Variants in PABPN1L observed in about 807,000 individuals in gnomAD.
PABPN1L encodes PABPN1 like, cytoplasmic.
Under a neutral mutation model 34.0 loss-of-function variants are expected in PABPN1L, and 45 were observed. The ratio of observed to expected loss-of-function variants is 1.32; its 90% CI spans 1.04 to 1.70. The LOEUF (loss-of-function observed/expected upper bound fraction) is 1.70, where lower values mean the gene tolerates loss of function less well. Ranked by LOEUF, PABPN1L falls within the 40% of genes most tolerant of loss-of-function variation. The pLI, the probability that PABPN1L is intolerant of heterozygous loss-of-function variation, is 0.00. For missense variants in PABPN1L, 459 were observed against 367.8 expected (o/e 1.25, Z -2.03); for synonymous variants, 182 against 152.1 (o/e 1.20, Z -1.45).
chr16:88,867,758 C>T (rs1968631594), upstream of PABPN1L, among the ~76,000 whole-genome samples: 1 of 152,182 alleles, frequency 6.6e-6, no homozygotes, highest in African/African-American at 2.4e-5. Context: ...CCTTGCGCCT[C>T]CCTCTGCACC....
At chr16:88,865,885 T>C (rs1326644397) in exon 2 of PABPN1L, 1 of 1,609,722 alleles carries the variant, frequency 6.2e-7, no homozygotes, top group Non-Finnish European at 8.5e-7. Flanking sequence ...CTGGAGGCCG[T>C]GGCGTCCCCT....
At chr16:88,864,866 C>T (rs76267236) in exon 5 of PABPN1L, 106,901 of 1,608,608 alleles carry the variant, frequency 0.066, 4,140 homozygotes, top group Non-Finnish European at 0.08. Context: ...GATGACCCGG[C>T]CCCGGAAGAG....
intron 3 of PABPN1L, 98 bp from the exon 4 acceptor site, chr16:88,865,226 C>T (rs920264337): frequency 2.2e-5 from 29 of 1,322,282 alleles, no homozygotes; most frequent in Admixed American, 1.3e-4. Context: ...GGCTGGGCCC[C>T]GTGGCGGGGA....
chr16:88,866,686 T>C (rs1472601247), upstream of PABPN1L: 9 of 1,447,620 alleles, frequency 6.2e-6, no homozygotes, highest in Non-Finnish European at 8.2e-6. Flanking sequence ...CAGGCTCTCC[T>C]GGAGTTTTAA....
chr16:88,865,634 C>T lies in PABPN1L; in HGVS notation c.392-4G>A, dbSNP rs751466056. ...GGGGTCCCAGAGAGGGGGCAGCCTG[C>T]GGAGAACACAGCTCAGGCCCGCAGG... On this transcript the variant is annotated splice_region_variant and splice_polypyrimidine_tract_variant and intron_variant, in intron 2 of 6. Coordinates refer to ENST00000419291, the Ensembl canonical transcript of PABPN1L. The T allele has an allele frequency of 1.0e-5, 16 of 1,605,186 alleles. No homozygotes were observed. The highest frequency in any genetic ancestry group is 4.0e-5 in the African/African-American group (3 of 74,654).
exon 7 of PABPN1L, chr16:88,863,575 G>T: frequency 1.3e-6 from 1 of 798,172 alleles, no homozygotes; most frequent in East Asian, 2.7e-5. Context: ...CTTGGGTCTG[G>T]ACCACCATAC....
chr16:88,869,704 A>G (rs888939615), upstream of PABPN1L, among the ~76,000 whole-genome samples: 2 of 152,244 alleles, frequency 1.3e-5, no homozygotes, highest in Non-Finnish European at 2.9e-5. Context: ...AGTTCCATCC[A>G]AGACCAGAGT....
chr16:88,864,929 A>C (rs1319909112), exon 5 of PABPN1L: 1 of 1,125,114 alleles, frequency 8.9e-7, no homozygotes, highest in Admixed American at 1.9e-5. Flanking sequence ...GGCAAACTCT[A>C]TGTAGGCATA....
rs374511768 is a variant in PABPN1L, at chr16:88,866,391, C to T, written c.216G>A (p.Leu72=). The T allele has an allele frequency of 2.3e-5, 36 of 1,550,874 alleles. No individual in the cohort carries two copies. The African/African-American group carries it at 3.0e-4, about 13-fold the overall frequency. ...GGCACTCAGCCAGGTTCTCTTGCTCCAGCAGAGACAGCAGAAAGCCTGCAT... is the reference window on the plus strand; with the variant it reads ...GGCACTCAGCCAGGTTCTCTTGCTCTAGCAGAGACAGCAGAAAGCCTGCAT... The change falls in exon 1 of 7, where the codon CTG becomes CTA. Residue 72 remains leucine (L), a synonymous_variant. Transcript: ENST00000419291.
chr16:88,867,585 G>T (rs895101074), upstream of PABPN1L, among the ~76,000 whole-genome samples: 5 of 152,150 alleles, frequency 3.3e-5, no homozygotes, highest in African/African-American at 9.7e-5. Context: ...TTCTGCTGTG[G>T]GGCGGGGGCT....
At chr16:88,866,034 C>A in intron 1 of PABPN1L, 93 bp from the exon 2 acceptor site, 3 of 1,461,736 alleles carry the variant, frequency 2.1e-6, no homozygotes, top group Non-Finnish European at 2.7e-6. Context: ...CAGAGGGTCA[C>A]AGCCCCAAGG....
At chr16:88,864,302 C>G in exon 6 of PABPN1L, 1 of 1,555,404 alleles carries the variant, frequency 6.4e-7, no homozygotes, top group East Asian at 2.4e-5. Context: ...AGGGTGCCCC[C>G]CTGGAGCCTG....
intron 5 of PABPN1L, among the ~76,000 whole-genome samples, chr16:88,864,608 G>T (rs1968542147): frequency 7.3e-6 from 1 of 137,494 alleles, no homozygotes; most frequent in African/African-American, 2.9e-5. Flanking sequence ...AGAGGGGGGG[G>T]TCACGGCCAG....
rs777970077 is a variant in PABPN1L, at chr16:88,865,585, T to TGGTC, written c.433_436dup (p.His146ArgfsTer37). On this transcript the variant is annotated frameshift_variant, in exon 3 of 7. Coordinates refer to ENST00000419291, the Ensembl canonical transcript of PABPN1L. LOFTEE classifies it high-confidence loss of function. ...CACGTTGCCCACGTAGACGGATCTG[T>TGGTC]GGTCAGCCTCCACCTTCTCCTCGGG... 5 of 1,611,802 alleles carry TGGTC rather than the reference T, an allele frequency of 3.1e-6. No individual in the cohort carries two copies. The highest frequency in any genetic ancestry group is 4.2e-6 in the Non-Finnish European group (5 of 1,179,570).
rs373636604 is a variant in PABPN1L, at chr16:88,866,589, G to A, written c.18C>T (p.Ser6=). 7.1e-6 allele frequency: 11 copies of A among 1,549,480 alleles called. No individual in the cohort carries two copies. In the African/African-American group the frequency reaches 9.6e-5, roughly 13 times the overall value. Residue 6 remains serine (S), a synonymous_variant, in exon 1 of 7, where the codon AGC becomes AGT. Transcript: ENST00000419291. ...GAGTCGGGGGTGGGAAGAGAGAGCG[G>A]CTCGGGAAGGGCCACATGGTAGAGG... is the stretch of plus-strand genomic sequence containing the variant.
upstream of PABPN1L, among the ~76,000 whole-genome samples, chr16:88,868,925 T>G (rs1968651292): frequency 6.6e-6 from 1 of 152,204 alleles, no homozygotes; most frequent in African/African-American, 2.4e-5. Flanking sequence ...CTCTGTCCTT[T>G]GTCCCATACC....
chr16:88,863,835 G>A (rs747434370), intron 6 of PABPN1L, 40 bp from the exon 7 acceptor site: 8 of 1,525,314 alleles, frequency 5.2e-6, no homozygotes, highest in Admixed American at 2.0e-5. Context: ...GCCTTCCAGA[G>A]GAGAAGGGGT....
upstream of PABPN1L, chr16:88,866,646 C>A: frequency 6.7e-7 from 1 of 1,492,178 alleles, no homozygotes; most frequent in Non-Finnish European, 8.9e-7. Context: ...GCGAGGCCTC[C>A]CCTCCACTCC....
chr16:88,866,317 C>G (rs992594495), intron 1 of PABPN1L, 35 bp downstream of exon 1: 4 of 1,535,102 alleles, frequency 2.6e-6, no homozygotes, highest in Admixed American at 2.0e-5. Flanking sequence ...GCCCCAGGTC[C>G]CCTGAGATCC....
Sources: gnomAD v4.1 joint callset for allele counts (sites outside exome capture counted in the v4.1 genomes callset) on GRCh38, gnomAD v4.1.1 for gene constraint, MANE v1.5 for transcripts, NCBI Gene and HGNC (gene_info 2026-07-23, HGNC 2026-07-21) for gene names.